TRANK1: variants seen among roughly 807,000 people sequenced by gnomAD.
TRANK1 encodes the protein TPR and ankyrin repeat-containing protein 1.
TRANK1 carries 198 observed loss-of-function variants against 266.0 expected under a neutral mutation model. The observed-to-expected ratio is 0.74, with a 90% confidence interval of 0.66 to 0.84. The LOEUF (loss-of-function observed/expected upper bound fraction) is 0.84. Among genes scored for constraint, TRANK1 ranks in the 40% least tolerant of loss-of-function variants. TRANK1 has a pLI of 0.00. For synonymous variants in TRANK1, 1,396 were observed against 1,384.1 expected (o/e 1.01, Z -0.19); for missense variants, 3,326 against 3,634.6 (o/e 0.92, Z 2.18).
intron 7 of TRANK1, among the ~76,000 whole-genome samples, chr3:36,891,248 G>A (rs1318770467): frequency 6.6e-6 from 1 of 152,150 alleles, no homozygotes; most frequent in Non-Finnish European, 1.5e-5. Flanking sequence ...GCTGACGCAG[G>A]GGAATCGCCT....
chr3:36,829,056 T>C (rs1286230821), intron 23 of TRANK1, among the ~76,000 whole-genome samples: 1 of 152,216 alleles, frequency 6.6e-6, no homozygotes, highest in Non-Finnish European at 1.5e-5. Context: ...GGAGAGAAAG[T>C]GCTTCATTCT....
At chr3:36,930,446 A>G (rs2080346381) in intron 1 of TRANK1, among the ~76,000 whole-genome samples, 1 of 152,322 alleles carries the variant, frequency 6.6e-6, no homozygotes, top group East Asian at 1.9e-4. Flanking sequence ...AAACCAGCCA[A>G]GCTAGCCCAC....
Position 36,879,781 on chromosome 3 carries a change from A to AATATATAAAT in TRANK1, c.908-5486_908-5485insATTTATATAT, listed in dbSNP as rs1295088679. On this transcript the variant is annotated intron_variant, in intron 8 of 23. Coordinates refer to ENST00000645898, the MANE Select transcript of TRANK1 (RefSeq NM_001329998.2). ...ATATAAATATATATAAATATATATA[A>AATATATAAAT]ATATGTAAATATATAAATATACAAA... Among the ~76,000 whole-genome samples, 9 of 67,686 alleles carry AATATATAAAT rather than the reference A, an allele frequency of 1.3e-4. 2 individuals carry two copies. The South Asian group carries it at 1.6e-3, about 12-fold the overall frequency. The allele number at this position is 67,686 out of a possible 152,430, so 44.4% of individuals were successfully genotyped here.
At chr3:36,851,502 G>A in intron 15 of TRANK1, 1 of 1,248,824 alleles carries the variant, frequency 8.0e-7, no homozygotes. Context: ...AGGGCACAGG[G>A]GGAACTAGCC....
intron 8 of TRANK1, among the ~76,000 whole-genome samples, chr3:36,879,162 AAAAG>A (rs955452275): frequency 1.3e-5 from 2 of 152,040 alleles, no homozygotes; most frequent in African/African-American, 4.8e-5. Context: ...TTTAAAAAAA[AAAAG>A]AAAGAAAACT....
intron 18 of TRANK1, among the ~76,000 whole-genome samples, chr3:36,842,288 G>T (rs2078854816): frequency 6.6e-6 from 1 of 152,252 alleles, no homozygotes; most frequent in Admixed American, 6.5e-5. Context: ...TTAAAATGCA[G>T]TATGATGATA....
At chr3:36,907,238 C>T (rs892991615) in intron 2 of TRANK1, among the ~76,000 whole-genome samples, 3 of 152,148 alleles carry the variant, frequency 2.0e-5, no homozygotes, top group African/African-American at 7.2e-5. Context: ...GTAACATCTG[C>T]CTCCCACGAT....
chr3:36,848,291 A>T lies in TRANK1; in HGVS notation c.4888-945T>A, dbSNP rs2078941792. Among the ~76,000 whole-genome samples the T allele has an allele frequency of 2.0e-5, 3 of 152,184 alleles. No individual in the cohort carries two copies. The South Asian group carries it at 6.2e-4, about 31-fold the overall frequency. On this transcript the variant is annotated intron_variant, in intron 15 of 23. Coordinates refer to ENST00000645898, the MANE Select transcript of TRANK1 (RefSeq NM_001329998.2). ...TTGGGTTTTTTTTCTGGCCATTTAA[A>T]AATGTGAAAATCCTTCTTGGCCCAC...
chr3:36,904,988 A>C lies in TRANK1; in HGVS notation c.156-1713T>G, dbSNP rs538380794. 1.1e-3 allele frequency among the ~76,000 whole-genome samples: 162 copies of C among 152,050 alleles called. 1 individual carries two copies. The highest frequency in any genetic ancestry group is 1.8e-3 in the Admixed American group (28 of 15,280). ...ACTTCCCCCATCCCCAACTGCCAAA[A>C]AAAAAAAAATCCCTGGGTAGGCCGG... On this transcript the variant is annotated intron_variant, in intron 2 of 23. Coordinates refer to ENST00000645898, the MANE Select transcript of TRANK1 (RefSeq NM_001329998.2).
At chr3:36,859,998 A>G (rs1035071960) in intron 11 of TRANK1, among the ~76,000 whole-genome samples, 2 of 152,142 alleles carry the variant, frequency 1.3e-5, no homozygotes, top group Non-Finnish European at 2.9e-5. Context: ...TGTTACTGTT[A>G]TATCTTACAT....
At chr3:36,864,646 T>C (rs866921692) in intron 9 of TRANK1, among the ~76,000 whole-genome samples, 166 bp from the exon 10 acceptor site, 8 of 152,170 alleles carry the variant, frequency 5.3e-5, no homozygotes, top group African/African-American at 1.9e-4. Flanking sequence ...CACCCTCCCC[T>C]GATTCTGGAC....
At position 36,828,087 on chromosome 3, in the gene TRANK1, A is replaced by T; in HGVS notation, c.*188T>A. 1 of 563,488 alleles carries T rather than the reference A, an allele frequency of 1.8e-6. No homozygotes were observed. Among genetic ancestry groups the T allele is most frequent in the Non-Finnish European group, 3.2e-6 (1 of 314,698 alleles). The allele number at this position is 563,488 out of a possible 1,614,324, so 34.9% of individuals were successfully genotyped here. On this transcript the variant is annotated 3_prime_UTR_variant, in exon 24 of 24. Transcript: ENST00000645898. ...CAGACTCTACTTGGAAACACTTTAG[A>T]GGTGAGGGAGCAATCAGATCCTAAG...
intron 22 of TRANK1, among the ~76,000 whole-genome samples, chr3:36,830,246 C>T (rs886983364): frequency 2.0e-5 from 3 of 151,124 alleles, no homozygotes; most frequent in Admixed American, 6.6e-5. Context: ...ACCCAGGAAG[C>T]GGAGATTGCA....
chr3:36,928,901 G>A (rs1396039932), intron 1 of TRANK1, among the ~76,000 whole-genome samples: 1 of 151,948 alleles, frequency 6.6e-6, no homozygotes, highest in East Asian at 1.9e-4. Context: ...TATATTTTCA[G>A]CAAAATTTCA....
intron 5 of TRANK1, among the ~76,000 whole-genome samples, 179 bp downstream of exon 5, chr3:36,895,461 A>G (rs978899909): frequency 2.0e-5 from 3 of 152,350 alleles, no homozygotes; most frequent in African/African-American, 7.2e-5. Flanking sequence ...TTAAAAATAA[A>G]TGGAAACTGG....
intron 8 of TRANK1, among the ~76,000 whole-genome samples, chr3:36,877,046 T>G: frequency 6.6e-6 from 1 of 152,202 alleles, no homozygotes; most frequent in Non-Finnish European, 1.5e-5. Flanking sequence ...CAACTGACAC[T>G]GCAATTTTTT....
At chr3:36,902,998 G>A in intron 3 of TRANK1, 151 bp downstream of exon 3, 1 of 1,014,056 alleles carries the variant, frequency 9.9e-7, no homozygotes, top group Non-Finnish European at 1.4e-6. Flanking sequence ...CTTTTAAAAG[G>A]AATGGAAAGA....
At chr3:36,876,106 T>A (rs999450567) in intron 8 of TRANK1, among the ~76,000 whole-genome samples, 2 of 152,208 alleles carry the variant, frequency 1.3e-5, no homozygotes, top group African/African-American at 4.8e-5. Flanking sequence ...ATAAGACTTA[T>A]TTTTTTGTCT....
At chr3:36,850,109 C>A (rs1233190819) in intron 15 of TRANK1, 1 of 985,282 alleles carries the variant, frequency 1.0e-6, no homozygotes, top group East Asian at 1.1e-4. Context: ...CTCGCACAAG[C>A]ATACAACTGG....
Sources: allele counts gnomAD v4.1 joint callset (sites outside exome capture counted in the v4.1 genomes callset), GRCh38; gene constraint gnomAD v4.1.1; transcripts MANE v1.5; gene names NCBI Gene and HGNC (gene_info 2026-07-23, HGNC 2026-07-21).